RSKR: variants seen among roughly 807,000 people sequenced by gnomAD.
RSKR encodes the protein ribosomal protein S6 kinase-related protein.
Under a neutral mutation model 56.8 loss-of-function variants are expected in RSKR, and 44 were observed. The ratio of observed to expected loss-of-function variants is 0.77; its 90% CI spans 0.61 to 1.00. RSKR has a LOEUF of 1.00. Ranked by LOEUF, RSKR falls within the 50% of genes least tolerant of loss-of-function variation. The pLI is 0.00. For missense variants in RSKR, 510 were observed against 506.9 expected, an observed-to-expected ratio of 1.01 and a Z score of -0.06; for synonymous variants, 181 against 188.0, an observed-to-expected ratio of 0.96 and a Z score of 0.30.
chr17:28,611,986 T>A (rs2070822033), intron 7 of RSKR, 58 bp downstream of exon 7: 1 of 1,614,028 alleles, frequency 6.2e-7, no homozygotes, highest in African/African-American at 1.3e-5. Flanking sequence ...CTTGGACTTG[T>A]TGGCACTTCT....
intron 5 of RSKR, 58 bp from the exon 6 acceptor site, chr17:28,612,424 C>T: frequency 6.5e-7 from 1 of 1,550,260 alleles, no homozygotes; most frequent in South Asian, 1.1e-5. Context: ...TGTTTGGGAG[C>T]TGCAATGCCT....
rs779582795 is a variant in RSKR at position 28,614,123 on chromosome 17, C to G, written c.39G>C (p.Gln13His). 6 of 1,613,524 alleles carry G rather than the reference C, an allele frequency of 3.7e-6. No homozygotes were observed. The East Asian group carries it at 1.1e-4, about 30-fold the overall frequency. The part of the protein sequence containing the change: ...AVSCRQGQHT[Q>H]QGEHTRVAVP... Reference sequence around the variant, plus strand: ...CAGCCACCCGGGTGTGTTCCCCCTGCTGGGTGTGCTGCCCCTGCCGACAGC... The same window carrying G: ...CAGCCACCCGGGTGTGTTCCCCCTGGTGGGTGTGCTGCCCCTGCCGACAGC... Residue 13 changes from glutamine (Q) to histidine (H), a missense_variant, in exon 1 of 12, where the codon CAG becomes CAC. Transcript: ENST00000301037.
At chr17:28,610,823 G>GATGATT in intron 11 of RSKR, 124 bp from the exon 12 acceptor site, 1 of 968,772 alleles carries the variant, frequency 1.0e-6, no homozygotes, top group Non-Finnish European at 1.5e-6. Flanking sequence ...CTGAAGAGTA[G>GATGATT]ATGATTTGTA....
In RSKR at chr17:28,610,159, C is replaced by T. The variant is rs2070792044; in HGVS notation, c.*319G>A. 3 of 290,238 alleles carry T rather than the reference C, an allele frequency of 1.0e-5. No individual in the cohort carries two copies. The South Asian group carries it at 1.9e-4, about 18-fold the overall frequency. The allele number at this position is 290,238 out of a possible 1,614,324, so 18.0% of individuals were successfully genotyped here. A position where few individuals can be genotyped will look rare whatever the true frequency, so the allele number is the denominator to read the frequency against. ...TTATTGCTCAAGAAAGGAAACATGGCAGAGAAACAAGCAGAAGCAGCTCTG... is the reference window on the plus strand; with the variant it reads ...TTATTGCTCAAGAAAGGAAACATGGTAGAGAAACAAGCAGAAGCAGCTCTG... On this transcript the variant is annotated 3_prime_UTR_variant, in exon 12 of 12. Coordinates refer to ENST00000301037, the MANE Select transcript of RSKR (RefSeq NM_001174103.2).
rs1338401390 is a variant in RSKR, at chr17:28,609,290, C to T, written c.*1188G>A. ...TCTTGACCTCAACTGATCTGCCCAC[C>T]TTGGCCTCCCAAATAACCTTAAATC... On this transcript the variant is annotated 3_prime_UTR_variant, in exon 12 of 12. Transcript: ENST00000301037. 6.6e-6 allele frequency: 1 copy of T among 152,048 alleles called. No individual in the cohort carries two copies. The highest frequency in any genetic ancestry group is 1.5e-5 in the Non-Finnish European group (1 of 68,016). 9.4% of individuals were successfully genotyped at this position (152,048 alleles called of 1,614,324 possible).
chr17:28,612,327 G>T lies in RSKR; in HGVS notation c.587C>A (p.Ser196Ter). 1 of 1,614,150 alleles carries T rather than the reference G, an allele frequency of 6.2e-7. No homozygotes were observed. Among genetic ancestry groups the T allele is most frequent in the Non-Finnish European group, 8.5e-7 (1 of 1,180,026 alleles). Residue 196 changes from serine (S) to a stop codon, truncating the protein, a stop_gained, in exon 6 of 12, where the codon TCG becomes TAG. Coordinates refer to ENST00000301037, the MANE Select transcript of RSKR (RefSeq NM_001174103.2). LOFTEE classifies it high-confidence loss of function. ...AGCCTCAGGAAAGCAGCCAACAGCC[G>T]ACCAAAGGGAGTACAGATCTGTGCT... ...YCSTDLYSLWSAVGCFPEASI... is the reference protein window; with the variant it reads ...YCSTDLYSLW
intron 11 of RSKR, 63 bp from the exon 12 acceptor site, chr17:28,610,762 T>C (rs2070801380): frequency 6.9e-7 from 1 of 1,451,558 alleles, no homozygotes; most frequent in South Asian, 1.2e-5. Flanking sequence ...ACAGAAAGGA[T>C]GGAAAAGAAG....
At chr17:28,610,802 G>C (rs2070801721) in intron 11 of RSKR, 103 bp from the exon 12 acceptor site, 4 of 1,126,238 alleles carry the variant, frequency 3.6e-6, no homozygotes, top group Non-Finnish European at 3.7e-6. Context: ...TGGAGGGTAG[G>C]AATAAGAACC....
chr17:28,613,865 T>C, intron 1 of RSKR, 177 bp from the exon 2 acceptor site: 1 of 1,062,558 alleles, frequency 9.4e-7, no homozygotes, highest in Non-Finnish European at 1.3e-6. Flanking sequence ...TGGGCACAAT[T>C]CAAATCCTCT....
chr17:28,611,009 G>A, intron 11 of RSKR, 134 bp downstream of exon 11: 1 of 785,562 alleles, frequency 1.3e-6, no homozygotes, highest in Non-Finnish European at 2.1e-6. Context: ...CAGCTTAGAT[G>A]GCAAGTAGTT....
At position 28,611,607 on chromosome 17, in the gene RSKR, T is replaced by G; in HGVS notation, c.771A>C (p.Gly257=). 1 of 1,565,658 alleles carries G rather than the reference T, an allele frequency of 6.4e-7. No individual in the cohort carries two copies. Among genetic ancestry groups the G allele is most frequent in the Non-Finnish European group, 8.6e-7 (1 of 1,158,690 alleles). ...DFGLSRHVPQ[G]AQAYTICGTL... ...TGCCACAGATAGTGTAGGCTTGAGC[T>G]CCCTGGGGCACGTGGCGGGACAGAC... The change falls in exon 9 of 12, where the codon GGA becomes GGC. Residue 257 remains glycine (G), a synonymous_variant. Transcript: ENST00000301037.
Position 28,610,405 on chromosome 17 carries a change from G to A in RSKR, c.*73C>T. 1 of 1,298,360 alleles carries A rather than the reference G, an allele frequency of 7.7e-7. No homozygotes were observed. The allele number at this position is 1,298,360 out of a possible 1,614,324, so 80.4% of individuals were successfully genotyped here. ...AAATAAAAACAAACTGGATTATCAA[G>A]GTGGTCATACTGAGTAGGCAGGGAT... On this transcript the variant is annotated 3_prime_UTR_variant, in exon 12 of 12. Transcript: ENST00000301037.
rs753014905 is a variant in RSKR at position 28,614,109 on chromosome 17, G to C, written c.53C>G (p.Thr18Ser). 1.1e-5 allele frequency: 18 copies of C among 1,613,512 alleles called. No individual in the cohort carries two copies. The South Asian group carries it at 1.6e-4, about 15-fold the overall frequency. Residue 18 changes from threonine to serine, a missense_variant, in exon 1 of 12, where the codon ACC becomes AGC. By Grantham distance (58) the Thr-to-Ser change is moderately conservative. Transcript: ENST00000301037. ...QGQHTQQGEH[T>S]RVAVPHKQGG... The stretch of plus-strand genomic sequence containing the variant: ...TACCTTGTGAGGGACAGCCACCCGG[G>C]TGTGTTCCCCCTGCTGGGTGTGCTG...
Position 28,613,820 on chromosome 17 carries a change from C to T in RSKR, c.76-132G>A, listed in dbSNP as rs555550572. On this transcript the variant is annotated intron_variant, in intron 1 of 11. Transcript: ENST00000301037. ...ATTTTTGAGCATGAGGCAAAATTCCCATTACCCTTGCTTTGTGCTAAGCCC... is the reference window on the plus strand; with the variant it reads ...ATTTTTGAGCATGAGGCAAAATTCCTATTACCCTTGCTTTGTGCTAAGCCC... 4.5e-6 allele frequency: 6 copies of T among 1,318,796 alleles called. No individual in the cohort carries two copies. In the African/African-American group the frequency reaches 5.9e-5, roughly 13 times the overall value. The allele number at this position is 1,318,796 out of a possible 1,614,324, so 81.7% of individuals were successfully genotyped here.
At chr17:28,611,357 G>C in intron 10 of RSKR, 36 bp downstream of exon 10, 2 of 1,539,856 alleles carry the variant, frequency 1.3e-6, no homozygotes, top group East Asian at 2.4e-5. Flanking sequence ...ACAAGGCAAA[G>C]CTCTTCTCTG....
chr17:28,610,591 C>T lies in RSKR; in HGVS notation c.1120G>A (p.Val374Met). The change falls in exon 12 of 12, where the codon GTG (valine) becomes ATG (methionine). Residue 374 changes from valine to methionine, a missense_variant. Val to Met is a conservative substitution (Grantham distance 21). Coordinates refer to ENST00000301037, the MANE Select transcript of RSKR (RefSeq NM_001174103.2). ...GCTTGTGTCTCCGTGACAAAGTTCA[C>T]TGGCTGCTTCTGTAGGAGCTCTGGG... ...FDPELLQKQP[V>M]NFVTETQATQ... 6.5e-7 allele frequency: 1 copy of T among 1,536,002 alleles called. No individual in the cohort carries two copies. Among genetic ancestry groups the T allele is most frequent in the Non-Finnish European group, 8.7e-7 (1 of 1,146,906 alleles).
At position 28,613,089 on chromosome 17, in the gene RSKR, C is replaced by A. The variant is rs915760626; in HGVS notation, c.466G>T (p.Val156Phe). Residue 156 changes from valine to phenylalanine, a missense_variant, in exon 4 of 12, where the codon GTT becomes TTT. Physicochemically the swap from Val to Phe is conservative, Grantham distance 50. Transcript: ENST00000301037. ...RDTVRQCKEE[V>F]SIQRQINHPF... ...GACTCTGTGCATACCTGGATGCTAA[C>A]CTCCTCTTTGCACTGCCTCACGGTA... 2 of 1,614,030 alleles carry A rather than the reference C, an allele frequency of 1.2e-6. No homozygotes were observed. Among genetic ancestry groups the A allele is most frequent in the African/African-American group, 2.7e-5 (2 of 74,932 alleles).
intron 1 of RSKR, 39 bp downstream of exon 1, chr17:28,614,048 C>T (rs755372032): frequency 3.7e-6 from 6 of 1,601,716 alleles, no homozygotes; most frequent in Non-Finnish European, 5.1e-6. Context: ...ATGTCTCCCT[C>T]TCCTCCCCTC....
At position 28,609,538 on chromosome 17, in the gene RSKR, A is replaced by G. The variant is rs533813013; in HGVS notation, c.*940T>C. The G allele has an allele frequency of 6.6e-6, 1 of 152,080 alleles. No individual in the cohort carries two copies. Among genetic ancestry groups the G allele is most frequent in the South Asian group, 2.1e-4 (1 of 4,810 alleles). The allele number at this position is 152,080 out of a possible 1,614,324, so 9.4% of individuals were successfully genotyped here. On this transcript the variant is annotated 3_prime_UTR_variant, in exon 12 of 12. Coordinates refer to ENST00000301037, the MANE Select transcript of RSKR (RefSeq NM_001174103.2). ...TATTTTATTCACTTTTCAATTTTTAAAAATTAGATTTATTGCAGACTGGCC... is the reference window on the plus strand; with the variant it reads ...TATTTTATTCACTTTTCAATTTTTAGAAATTAGATTTATTGCAGACTGGCC...
Sources: allele counts gnomAD v4.1 joint callset, GRCh38; gene constraint gnomAD v4.1.1; transcripts MANE v1.5; gene names NCBI Gene and HGNC (gene_info 2026-07-23, HGNC 2026-07-21).